The following ACTR3 variants were observed in gnomAD, a reference collection of about 807,000 sequenced individuals.
ACTR3 encodes actin related protein 3, also known as actin-related protein 3.
ACTR3 carries 12 observed loss-of-function variants against 56.8 expected under a neutral mutation model. The observed-to-expected ratio is 0.21, with a 90% CI of 0.14 to 0.34. The LOEUF (loss-of-function observed/expected upper bound fraction) is 0.34, where lower values mean the gene tolerates loss of function less well. Among genes scored for constraint, ACTR3 ranks in the 10% least tolerant of loss-of-function variants. ACTR3 has a pLI of 1.00. For synonymous variants in ACTR3, 162 were observed against 167.4 expected (o/e 0.97, Z 0.25); for missense variants, 282 against 512.5 (o/e 0.55, Z 4.34).
rs1680324782 is a variant in ACTR3, at chr2:113,961,503, C to T, written c.*4048C>T. On this transcript the variant is annotated 3_prime_UTR_variant, in exon 12 of 12. Coordinates refer to ENST00000263238, the MANE Select transcript of ACTR3 (RefSeq NM_005721.5). ...AATTACTTGTTTTCTAGTGTTCTGT[C>T]AATTTTTGGTGACTTTTATAATTAC... is the stretch of plus-strand genomic sequence containing the variant. 6.6e-6 allele frequency: 1 copy of T among 151,888 alleles called. No homozygotes were observed. The highest frequency in any genetic ancestry group is 6.6e-5 in the Admixed American group (1 of 15,232). 9.4% of individuals were successfully genotyped at this position (151,888 alleles called of 1,614,324 possible).
At chr2:113,899,715 G>A (rs1330552651) in intron 1 of ACTR3, among the ~76,000 whole-genome samples, 1 of 152,176 alleles carries the variant, frequency 6.6e-6, no homozygotes, top group Non-Finnish European at 1.5e-5. Flanking sequence ...GCTCCATAGT[G>A]GCAGGGATTA....
intron 1 of ACTR3, among the ~76,000 whole-genome samples, chr2:113,893,626 A>G (rs1281672072): frequency 1.3e-5 from 2 of 152,046 alleles, no homozygotes; most frequent in Non-Finnish European, 2.9e-5. Context: ...TTTTTACTCA[A>G]GTTTCTCCAT....
At chr2:113,944,584 T>TAAAAAA (rs34378884) in intron 8 of ACTR3, among the ~76,000 whole-genome samples, 1 of 58,030 alleles carries the variant, frequency 1.7e-5, no homozygotes, top group Admixed American at 2.6e-4. Flanking sequence ...CCGTCTCTAC[T>TAAAAAA]AAAAAAAAAA....
intron 1 of ACTR3, among the ~76,000 whole-genome samples, chr2:113,895,174 A>G (rs556588615): frequency 6.6e-6 from 1 of 150,866 alleles, no homozygotes; most frequent in African/African-American, 2.4e-5. Flanking sequence ...TCAGGAAATA[A>G]TAATAGCTAG....
At chr2:113,941,989 G>C (rs1268515868) in intron 7 of ACTR3, among the ~76,000 whole-genome samples, 197 bp from the exon 8 acceptor site, 1 of 151,996 alleles carries the variant, frequency 6.6e-6, no homozygotes, top group Non-Finnish European at 1.5e-5. Flanking sequence ...GAAAATATGT[G>C]TAGGAGATGA....
intron 1 of ACTR3, among the ~76,000 whole-genome samples, chr2:113,903,861 CTT>C (rs35970139): frequency 4.3e-5 from 6 of 140,402 alleles, no homozygotes; most frequent in African/African-American, 7.8e-5. Flanking sequence ...AAGTGTGTCA[CTT>C]TTTTTTTTTT....
intron 4 of ACTR3, among the ~76,000 whole-genome samples, chr2:113,929,761 C>A (rs1454273552): frequency 6.6e-6 from 1 of 152,046 alleles, no homozygotes; most frequent in Non-Finnish European, 1.5e-5. Context: ...ACTGAAACCT[C>A]CCCGCCTCCC....
Position 113,890,620 on chromosome 2 carries a change from A to G in ACTR3, c.44+297A>G, listed in dbSNP as rs1574343039. On this transcript the variant is annotated intron_variant, in intron 1 of 11. Coordinates refer to ENST00000263238, the MANE Select transcript of ACTR3 (RefSeq NM_005721.5). ...CCCACTACGGTGGGCAGCGCCGCCC[A>G]AAGGGCGCTGGGGACGGTCGTCTTG... 6.2e-6 allele frequency: 8 copies of G among 1,288,864 alleles called. No homozygotes were observed. The East Asian group carries it at 1.7e-4, about 27-fold the overall frequency. The allele number at this position is 1,288,864 out of a possible 1,614,324, so 79.8% of individuals were successfully genotyped here. A position where few individuals can be genotyped will look rare whatever the true frequency, so the allele number is the denominator to read the frequency against.
chr2:113,926,002 T>C (rs1338517333), intron 3 of ACTR3, among the ~76,000 whole-genome samples: 1 of 152,198 alleles, frequency 6.6e-6, no homozygotes, highest in Non-Finnish European at 1.5e-5. Flanking sequence ...GATAGTTCTG[T>C]TTATTAAATA....
chr2:113,890,422 C>A, intron 1 of ACTR3, 99 bp downstream of exon 1: 1 of 1,356,722 alleles, frequency 7.4e-7, no homozygotes, highest in African/African-American at 1.5e-5. Context: ...GGCGAGGTGC[C>A]GCCGCCGGCT....
Position 113,960,710 on chromosome 2 carries a change from T to G in ACTR3, c.*3255T>G, listed in dbSNP as rs1054888316. On this transcript the variant is annotated 3_prime_UTR_variant, in exon 12 of 12. Transcript: ENST00000263238. ...AACCTTGATTCCTGTGACCCATTCTTTCTGATCTTTCGTAGTTCATAGTCA... is the reference window on the plus strand; with the variant it reads ...AACCTTGATTCCTGTGACCCATTCTGTCTGATCTTTCGTAGTTCATAGTCA... The G allele has an allele frequency of 1.2e-4, 18 of 151,974 alleles. No individual in the cohort carries two copies. The highest frequency in any genetic ancestry group is 4.1e-4 in the African/African-American group (17 of 41,418). The allele number at this position is 151,974 out of a possible 1,614,324, so 9.4% of individuals were successfully genotyped here. A position where few individuals can be genotyped will look rare whatever the true frequency, so the allele number is the denominator to read the frequency against.
rs368906998 is a variant in ACTR3 at position 113,921,140 on chromosome 2, TG to T, written c.225+4133del. 1.0e-3 allele frequency among the ~76,000 whole-genome samples: 154 copies of T among 152,272 alleles called. 4 individuals carry two copies. In the South Asian group the frequency reaches 0.031, roughly 31 times the overall value. On this transcript the variant is annotated intron_variant, in intron 3 of 11. Transcript: ENST00000263238. ...CCTTGCCAGCATTTGTGATTTTTTT[TG>T]TCTTTTGGGTAATAGCCATTCTAAC...
At chr2:113,954,364 G>A (rs1165342141) in intron 10 of ACTR3, 2 of 152,024 alleles carry the variant, frequency 1.3e-5, no homozygotes, top group African/African-American at 2.4e-5. Context: ...TTATTACTGT[G>A]GTAGTTGCTA....
chr2:113,916,042 A>G (rs906323693), intron 2 of ACTR3, among the ~76,000 whole-genome samples: 25 of 152,196 alleles, frequency 1.6e-4, no homozygotes, highest in African/African-American at 6.0e-4. Context: ...TGTACACTGT[A>G]AGTAAATTGC....
chr2:113,933,866 G>C (rs1326180556), intron 5 of ACTR3: 1 of 163,522 alleles, frequency 6.1e-6, no homozygotes, highest in Non-Finnish European at 1.3e-5. Flanking sequence ...TTTTTTAGTA[G>C]AGACGGGGTT....
chr2:113,890,181 C>T lies in ACTR3; in HGVS notation c.-99C>T. 6.0e-6 allele frequency: 9 copies of T among 1,490,254 alleles called. No homozygotes were observed. The highest frequency in any genetic ancestry group is 2.0e-5 in the Admixed American group (1 of 50,838). The allele number at this position is 1,490,254 out of a possible 1,614,324, so 92.3% of individuals were successfully genotyped here. A position where few individuals can be genotyped will look rare whatever the true frequency, so the allele number is the denominator to read the frequency against. ...CCCCCGGACGGTGAAGGCGGCCCAG[C>T]TGTGGATGGTCAGATAGCCCTTGTC... is the stretch of plus-strand genomic sequence containing the variant. On this transcript the variant is annotated 5_prime_UTR_variant, in exon 1 of 12. Coordinates refer to ENST00000263238, the MANE Select transcript of ACTR3 (RefSeq NM_005721.5).
intron 11 of ACTR3, 123 bp downstream of exon 11, chr2:113,955,829 C>T: frequency 3.1e-6 from 2 of 637,408 alleles, no homozygotes; most frequent in Non-Finnish European, 5.1e-6. Context: ...CTCACTGCAA[C>T]CTCCACCTCC....
At position 113,900,485 on chromosome 2, in the gene ACTR3, G is replaced by A. The variant is rs143230017; in HGVS notation, c.44+10162G>A. Among the ~76,000 whole-genome samples, 101 of 152,310 alleles carry A rather than the reference G, an allele frequency of 6.6e-4. 1 individual carries two copies. The East Asian group carries it at 9.8e-3, about 15-fold the overall frequency. On this transcript the variant is annotated intron_variant, in intron 1 of 11. Transcript: ENST00000263238. ...CGTATAGCAAAGGGACTGGGAAAAC[G>A]TTGAGAATCTTTGAAAGCAAAATTA...
chr2:113,924,297 A>G (rs1399272064), intron 3 of ACTR3, among the ~76,000 whole-genome samples: 1 of 150,994 alleles, frequency 6.6e-6, no homozygotes, highest in Non-Finnish European at 1.5e-5. Context: ...GGCTGGTCTC[A>G]AACTCCTGGG....
Sources: allele counts gnomAD v4.1 joint callset (sites outside exome capture counted in the v4.1 genomes callset), GRCh38; gene constraint gnomAD v4.1.1; transcripts MANE v1.5; gene names NCBI Gene and HGNC (gene_info 2026-07-23, HGNC 2026-07-21).